The following IRAG1 variants were observed in gnomAD, a reference collection of about 807,000 sequenced individuals.
IRAG1 encodes inositol 1,4,5-triphosphate receptor associated 1, also known as IP3R-associated cGMP kinase substrate.
A neutral mutation model predicts 106.2 loss-of-function variants in IRAG1; 62 were observed. That is an observed-to-expected ratio of 0.58 (90% CI 0.48 to 0.72). IRAG1 has a LOEUF of 0.72. Ranked by LOEUF, IRAG1 falls within the 30% of genes least tolerant of loss-of-function variation. The probability of loss-of-function intolerance (pLI) is 0.00; values close to 1 mark genes in which losing one functional copy is unlikely to be tolerated. For missense variants in IRAG1, 1,064 were observed against 1,140.7 expected, an observed-to-expected ratio of 0.93 and a Z score of 0.97; for synonymous variants, 462 against 443.9, an observed-to-expected ratio of 1.04 and a Z score of -0.51.
At position 10,601,104 on chromosome 11, in the gene IRAG1, G is replaced by C. The variant is rs370965233; in HGVS notation, c.1876-45C>G. On this transcript the variant is annotated intron_variant, in intron 14 of 20. Transcript: ENST00000423302. ...GAGTGCATGAGGCCATTGGAGGAAA[G>C]GCTCCGTTGGCACTTATTTGCTCTG... 3.1e-6 allele frequency: 5 copies of C among 1,608,504 alleles called. No individual in the cohort carries two copies. In the East Asian group the frequency reaches 8.9e-5, roughly 29 times the overall value.
At chr11:10,599,700 T>C (rs1418454304) in intron 15 of IRAG1, 1 of 152,228 alleles carries the variant, frequency 6.6e-6, no homozygotes, top group Admixed American at 6.5e-5. Context: ...GGGATTCCTG[T>C]TGCTAAAAGG....
intron 2 of IRAG1, among the ~76,000 whole-genome samples, chr11:10,649,129 C>T (rs1321699120): frequency 6.6e-6 from 1 of 152,206 alleles, no homozygotes; most frequent in African/African-American, 2.4e-5. Context: ...CCTGAAGGCT[C>T]CAGGCCAGCT....
intron 1 of IRAG1, among the ~76,000 whole-genome samples, chr11:10,668,883 A>G (rs1274388240): frequency 6.6e-6 from 1 of 152,340 alleles, no homozygotes; most frequent in Non-Finnish European, 1.5e-5. Flanking sequence ...AGATGGGGTA[A>G]GTGCCAGCAG....
At chr11:10,632,842 A>C (rs1856808072) in intron 3 of IRAG1, among the ~76,000 whole-genome samples, 1 of 152,216 alleles carries the variant, frequency 6.6e-6, no homozygotes, top group African/African-American at 2.4e-5. Flanking sequence ...AAAAAGACAA[A>C]AATATGGTTT....
Position 10,634,015 on chromosome 11 carries a change from C to T in IRAG1, c.282G>A (p.Gly94=). 1.9e-6 allele frequency: 3 copies of T among 1,612,604 alleles called. No homozygotes were observed. The change falls in exon 3 of 21, where the codon GGG becomes GGA. Residue 94 remains glycine (G), a synonymous_variant. Coordinates refer to ENST00000423302, the MANE Select transcript of IRAG1 (RefSeq NM_130385.4). ...TTTCTCCTTCTGGTGAAGTGGCATC[C>T]CCAGTCAGGACAATCGTGGGAGTTG... ...CSPTPTIVLT[G]DATSPEGETD...
chr11:10,653,556 T>C (rs1278436120), intron 1 of IRAG1, among the ~76,000 whole-genome samples: 1 of 152,006 alleles, frequency 6.6e-6, no homozygotes, highest in Non-Finnish European at 1.5e-5. Flanking sequence ...AGGATAGCAA[T>C]GTAGAAAGAA....
chr11:10,652,020 C>T lies in IRAG1; in HGVS notation c.225+5G>A, dbSNP rs752593681. 1.9e-6 allele frequency: 3 copies of T among 1,560,970 alleles called. No individual in the cohort carries two copies. The highest frequency in any genetic ancestry group is 2.7e-5 in the African/African-American group (2 of 73,810). On this transcript the variant is annotated splice_donor_5th_base_variant and intron_variant, in intron 2 of 20. Coordinates refer to ENST00000423302, the MANE Select transcript of IRAG1 (RefSeq NM_130385.4). ...GCTAGCTGAGGGCAGGGAGGGGGCA[C>T]TTACTTGGCCGGCAGGGCTCTGGGC...
intron 1 of IRAG1, among the ~76,000 whole-genome samples, chr11:10,681,227 A>C (rs1419597987): frequency 1.3e-5 from 2 of 152,208 alleles, no homozygotes; most frequent in Non-Finnish European, 2.9e-5. Context: ...TGCTGGGAGA[A>C]GCTGGCCCTG....
At chr11:10,632,967 G>A (rs1001940712) in intron 3 of IRAG1, among the ~76,000 whole-genome samples, 4 of 152,008 alleles carry the variant, frequency 2.6e-5, no homozygotes, top group African/African-American at 9.7e-5. Context: ...CCTTTGAACC[G>A]GCTTTGTTAT....
chr11:10,689,782 A>T (rs1050150495), intron 1 of IRAG1, among the ~76,000 whole-genome samples: 3 of 152,252 alleles, frequency 2.0e-5, no homozygotes, highest in Admixed American at 1.3e-4. Context: ...TAGCATATAC[A>T]CTAAGATCCT....
At chr11:10,595,718 T>C (rs1420088040) in intron 15 of IRAG1, 1 of 152,214 alleles carries the variant, frequency 6.6e-6, no homozygotes, top group Non-Finnish European at 1.5e-5. Flanking sequence ...ACTTTTATTT[T>C]AGGTTCAGGG....
intron 10 of IRAG1, among the ~76,000 whole-genome samples, chr11:10,613,971 C>T (rs906201858): frequency 3.2e-4 from 49 of 152,250 alleles, no homozygotes; most frequent in African/African-American, 9.9e-4. Flanking sequence ...CAAATTCTCA[C>T]GCACCAAGCC....
chr11:10,634,132 G>T, intron 2 of IRAG1, 61 bp from the exon 3 acceptor site: 1 of 1,002,888 alleles, frequency 1.0e-6, no homozygotes, highest in Non-Finnish European at 1.5e-6. Context: ...CCAGGGACAG[G>T]AGCCAGAGCA....
chr11:10,618,865 GA>G (rs1855626485), intron 10 of IRAG1, among the ~76,000 whole-genome samples: 1 of 152,192 alleles, frequency 6.6e-6, no homozygotes, highest in African/African-American at 2.4e-5. Context: ...CTCTTCCTAA[GA>G]GCAGAATGAA....
At position 10,604,474 on chromosome 11, in the gene IRAG1, A is replaced by G; in HGVS notation, c.1674T>C (p.Ala558=). The G allele has an allele frequency of 6.2e-7, 1 of 1,614,032 alleles. No homozygotes were observed. Among genetic ancestry groups the G allele is most frequent in the Non-Finnish European group, 8.5e-7 (1 of 1,179,894 alleles). ...CCTCTGTCAGGTTGCGTTCCCTTTC[A>G]GCCTGGTTAATTCTAGATTCCAGAG... The part of the protein sequence containing the change: ...SYTLESRINQ[A]ERERNLTEEN... Residue 558 remains alanine (A), a synonymous_variant, in exon 13 of 21, where the codon GCT becomes GCC. Coordinates refer to ENST00000423302, the MANE Select transcript of IRAG1 (RefSeq NM_130385.4).
intron 10 of IRAG1, among the ~76,000 whole-genome samples, chr11:10,620,369 GC>G (rs58059432): frequency 1 from 151,982 of 151,998 alleles, 75,983 homozygotes; most frequent in Middle Eastern, 1. Context: ...TTAAAATACA[GC>G]CCCCCCCAAA....
intron 15 of IRAG1, among the ~76,000 whole-genome samples, chr11:10,595,384 C>A (rs1853180562): frequency 2.0e-5 from 3 of 152,140 alleles, no homozygotes; most frequent in Admixed American, 2.0e-4. Context: ...CCTCCTCCCA[C>A]CTGACACTTT....
chr11:10,604,352 C>T (rs570765557), intron 13 of IRAG1, 53 bp downstream of exon 13: 265 of 1,609,516 alleles, frequency 1.6e-4, no homozygotes, highest in Non-Finnish European at 2.0e-4. Flanking sequence ...CCTGTATGGC[C>T]CTTGGGGACA....
intron 11 of IRAG1, 144 bp downstream of exon 11, chr11:10,609,584 G>A (rs964149828): frequency 3.1e-5 from 29 of 941,740 alleles, no homozygotes; most frequent in South Asian, 6.5e-5. Flanking sequence ...TTTTTGTTTC[G>A]AATGCATTAT....
Sources: gnomAD v4.1 joint callset for allele counts (sites outside exome capture counted in the v4.1 genomes callset) on GRCh38, gnomAD v4.1.1 for gene constraint, MANE v1.5 for transcripts, NCBI Gene and HGNC (gene_info 2026-07-23, HGNC 2026-07-21) for gene names.